The following AIMP2 variants were observed in gnomAD, a reference collection of about 807,000 sequenced individuals.
The protein encoded by AIMP2 is aminoacyl tRNA synthetase complex interacting multifunctional protein 2.
In AIMP2, 20 loss-of-function variants were observed where a neutral mutation model predicts 23.4. The observed-to-expected ratio is 0.85, with a 90% CI of 0.60 to 1.24. The LOEUF (loss-of-function observed/expected upper bound fraction) is 1.24. Ranked by LOEUF, AIMP2 falls within the 50% of genes most tolerant of loss-of-function variation. The pLI, the probability that AIMP2 is intolerant of heterozygous loss-of-function variation, is 0.00. For missense variants in AIMP2, 515 were observed against 414.5 expected, an observed-to-expected ratio of 1.24 and a Z score of -2.10; for synonymous variants, 210 against 170.4, an observed-to-expected ratio of 1.23 and a Z score of -1.81.
intron 3 of AIMP2, chr7:6,023,038 G>A: frequency 2.6e-6 from 1 of 391,796 alleles, no homozygotes; most frequent in Non-Finnish European, 4.5e-6. Flanking sequence ...TGGAGCAGGT[G>A]GTCTGAGGTC....
chr7:6,012,218 A>C (rs940654732), intron 1 of AIMP2, among the ~76,000 whole-genome samples: 1 of 151,632 alleles, frequency 6.6e-6, no homozygotes, highest in South Asian at 2.1e-4. Flanking sequence ...CTGCCACTGG[A>C]CTCCAGCATG....
At position 6,017,799 on chromosome 7, in the gene AIMP2, T is replaced by C; in HGVS notation, c.343-15T>C. The stretch of plus-strand genomic sequence containing the variant: ...CGATGACTGTTATTCGTACATTGTC[T>C]TGGTCTTTCCCCAGGATTACGGGGC... On this transcript the variant is annotated splice_polypyrimidine_tract_variant and intron_variant, in intron 2 of 3. Coordinates refer to ENST00000223029, the MANE Select transcript of AIMP2 (RefSeq NM_006303.4). 1 of 1,608,696 alleles carries C rather than the reference T, an allele frequency of 6.2e-7. No individual in the cohort carries two copies. The highest frequency in any genetic ancestry group is 8.5e-7 in the Non-Finnish European group (1 of 1,176,650).
chr7:6,018,603 A>C (rs1425962641), intron 3 of AIMP2, among the ~76,000 whole-genome samples: 1 of 152,022 alleles, frequency 6.6e-6, no homozygotes, highest in East Asian at 1.9e-4. Flanking sequence ...TGTGAGGCCA[A>C]GGCAGGCAGA....
chr7:6,009,989 A>ATATATATATATATATATATATATG (rs1259647902), intron 1 of AIMP2, among the ~76,000 whole-genome samples: 7 of 108,402 alleles, frequency 6.5e-5, no homozygotes, highest in African/African-American at 1.4e-4. Context: ...ATATATATAT[A>ATATATATATATATATATATATATG]TATGTATGTA....
At chr7:6,011,498 C>A (rs1475867889) in intron 1 of AIMP2, among the ~76,000 whole-genome samples, 1 of 152,210 alleles carries the variant, frequency 6.6e-6, no homozygotes, top group Non-Finnish European at 1.5e-5. Context: ...AGGTTTCCAG[C>A]AGGAGAAACA....
chr7:6,019,124 T>A (rs958024737), intron 3 of AIMP2, among the ~76,000 whole-genome samples: 1 of 151,746 alleles, frequency 6.6e-6, no homozygotes, highest in East Asian at 1.9e-4. Context: ...GCCTCCAGCG[T>A]GGGGAGTGTC....
intron 1 of AIMP2, among the ~76,000 whole-genome samples, chr7:6,009,974 A>AAAAAAAAAAATATAGATATAT: frequency 3.8e-5 from 1 of 26,662 alleles, no homozygotes; most frequent in African/African-American, 1.4e-4. Context: ...AAAAAAAAAA[A>AAAAAAAAAAATATAGATATAT]ATATATATAT....
At chr7:6,016,939 C>G (rs1787063510) in intron 2 of AIMP2, 1 of 161,120 alleles carries the variant, frequency 6.2e-6, no homozygotes, top group Non-Finnish European at 1.4e-5. Flanking sequence ...CATGCCAGAG[C>G]AAACTGTGGC....
Position 6,017,934 on chromosome 7 carries a change from C to T in AIMP2, c.463C>T (p.His155Tyr). The change falls in exon 3 of 4, where the codon CAC (histidine) becomes TAC (tyrosine). Residue 155 changes from histidine to tyrosine, a missense_variant. Physicochemically the swap from His to Tyr is moderately conservative, Grantham distance 83. Transcript: ENST00000223029. ...HFRVLSTVHTHSSVKSVPENL... is the reference protein window; with the variant it reads ...HFRVLSTVHTYSSVKSVPENL... ...CAGGGTCCTGTCCACGGTGCACACG[C>T]ACTCCTCGGTCAAGAGCGTGCCTGA... 2 of 1,614,070 alleles carry T rather than the reference C, an allele frequency of 1.2e-6. No homozygotes were observed. Among genetic ancestry groups the T allele is most frequent in the Non-Finnish European group, 1.7e-6 (2 of 1,180,020 alleles).
rs1294023165 is a variant in AIMP2 at position 6,017,818 on chromosome 7, A to C, written c.347A>C (p.Tyr116Ser). 1 of 1,613,294 alleles carries C rather than the reference A, an allele frequency of 6.2e-7. No individual in the cohort carries two copies. The highest frequency in any genetic ancestry group is 1.7e-5 in the Admixed American group (1 of 59,940). The part of the protein sequence containing the change: ...LDLNSVLGKD[Y>S]GALKDIVINA... ...ATTGTCTTGGTCTTTCCCCAGGATTACGGGGCGCTGAAAGACATCGTGATC... is the reference window on the plus strand; with the variant it reads ...ATTGTCTTGGTCTTTCCCCAGGATTCCGGGGCGCTGAAAGACATCGTGATC... The change falls in exon 3 of 4, where the codon TAC becomes TCC. Residue 116 changes from tyrosine (Y) to serine (S), a missense_variant. Physicochemically the swap from Tyr to Ser is moderately radical, Grantham distance 144. Transcript: ENST00000223029.
intron 2 of AIMP2, among the ~76,000 whole-genome samples, chr7:6,015,961 TCCAG>T (rs1251167298): frequency 5.9e-5 from 9 of 152,004 alleles, no homozygotes; most frequent in Admixed American, 1.3e-4. Flanking sequence ...CGGGCATGGG[TCCAG>T]CAGCTTCTGA....
rs1157098630 is a variant in AIMP2 at position 6,009,504 on chromosome 7, A to T, written c.135+6A>T. 2 of 1,515,048 alleles carry T rather than the reference A, an allele frequency of 1.3e-6. No homozygotes were observed. Among genetic ancestry groups the T allele is most frequent in the Admixed American group, 4.8e-5 (2 of 41,868 alleles). 93.9% of individuals were successfully genotyped at this position (1,515,048 alleles called of 1,614,324 possible). A position where few individuals can be genotyped will look rare whatever the true frequency, so the allele number is the denominator to read the frequency against. On this transcript the variant is annotated splice_donor_region_variant and intron_variant, in intron 1 of 3. Transcript: ENST00000223029. ...CGGGCGCTGGCCACGTGCAGGTAGG[A>T]GCGCGGGGCCCCCCGCCCAGTGCGC...
chr7:6,009,974 A>AAAAAATATATATATATATAT, intron 1 of AIMP2, among the ~76,000 whole-genome samples: 6 of 26,664 alleles, frequency 2.3e-4, no homozygotes, highest in South Asian at 2.3e-3. Context: ...AAAAAAAAAA[A>AAAAAATATATATATATATAT]ATATATATAT....
Position 6,013,010 on chromosome 7 carries a change from G to T in AIMP2, c.136-2136G>T, listed in dbSNP as rs866341052. 63 of 871,370 alleles carry T rather than the reference G, an allele frequency of 7.2e-5. No homozygotes were observed. In the East Asian group the frequency reaches 1.1e-3, roughly 15 times the overall value. The allele number at this position is 871,370 out of a possible 1,614,324, so 54.0% of individuals were successfully genotyped here. A position where few individuals can be genotyped will look rare whatever the true frequency, so the allele number is the denominator to read the frequency against. Reference sequence around the variant, plus strand: ...AGGTAAATAGGAGTTAAGCAAACAAGAGAAGAAGGAAGAGTGATGCAGATG... The same window carrying T: ...AGGTAAATAGGAGTTAAGCAAACAATAGAAGAAGGAAGAGTGATGCAGATG... On this transcript the variant is annotated intron_variant, in intron 1 of 3. Coordinates refer to ENST00000223029, the MANE Select transcript of AIMP2 (RefSeq NM_006303.4).
chr7:6,020,834 C>T (rs891335534), intron 3 of AIMP2, among the ~76,000 whole-genome samples: 10 of 152,198 alleles, frequency 6.6e-5, no homozygotes, highest in Non-Finnish European at 1.0e-4. Context: ...GGATTGAAGG[C>T]ACGCAGGGCT....
In AIMP2 at chr7:6,009,393, C is replaced by T. The variant is rs777401869; in HGVS notation, c.30C>T (p.His10=). Residue 10 remains histidine, a synonymous_variant, in exon 1 of 4, where the codon CAC becomes CAT. Transcript: ENST00000223029. MPMYQVKPY[H]GGGAPLRVEL... is the part of the protein sequence containing the mutation. ...CGATGTACCAGGTAAAGCCCTATCA[C>T]GGGGGCGGCGCGCCTCTCCGTGTGG... 1.2e-6 allele frequency: 2 copies of T among 1,611,542 alleles called. No individual in the cohort carries two copies. Among genetic ancestry groups the T allele is most frequent in the African/African-American group, 1.3e-5 (1 of 74,866 alleles).
intron 3 of AIMP2, among the ~76,000 whole-genome samples, chr7:6,020,363 G>C (rs1209422871): frequency 6.6e-6 from 1 of 151,720 alleles, no homozygotes; most frequent in African/African-American, 2.4e-5. Flanking sequence ...GGAGGTTGCC[G>C]TGAGCCGAGA....
At chr7:6,009,974 A>AAAAATACATATATATATATATATATATAT in intron 1 of AIMP2, among the ~76,000 whole-genome samples, 1 of 26,662 alleles carries the variant, frequency 3.8e-5, no homozygotes, top group African/African-American at 1.4e-4. Flanking sequence ...AAAAAAAAAA[A>AAAAATACATATATATATATATATATATAT]ATATATATAT....
Position 6,023,565 on chromosome 7 carries a change from G to A in AIMP2, c.837G>A (p.Val279=), listed in dbSNP as rs1400110133. The A allele has an allele frequency of 6.2e-7, 1 of 1,614,208 alleles. No homozygotes were observed. The highest frequency in any genetic ancestry group is 8.5e-7 in the Non-Finnish European group (1 of 1,180,046). ...LAGNELTVAD[V]VLWSVLQQIG... is the part of the protein sequence containing the mutation. ...GGAATGAACTCACCGTAGCAGACGT[G>A]GTGCTGTGGTCTGTACTCCAGCAGA... Residue 279 remains valine (V), a synonymous_variant, in exon 4 of 4, where the codon GTG becomes GTA. Coordinates refer to ENST00000223029, the MANE Select transcript of AIMP2 (RefSeq NM_006303.4).
Sources: allele counts gnomAD v4.1 joint callset (sites outside exome capture counted in the v4.1 genomes callset), GRCh38; gene constraint gnomAD v4.1.1; transcripts MANE v1.5; gene names NCBI Gene and HGNC (gene_info 2026-07-23, HGNC 2026-07-21).